The following CALCRL variants were observed in gnomAD, a reference collection of about 807,000 sequenced individuals.
CALCRL encodes the protein calcitonin gene-related peptide type 1 receptor.
Under a neutral mutation model 60.4 loss-of-function variants are expected in CALCRL, and 27 were observed. That is an observed-to-expected ratio of 0.45 (90% CI 0.33 to 0.62). The LOEUF (loss-of-function observed/expected upper bound fraction) is 0.62, where lower values mean the gene tolerates loss of function less well. CALCRL is among the 20% of genes least tolerant of loss of function. CALCRL has a pLI of 0.03. For missense variants in CALCRL, 424 were observed against 540.7 expected (o/e 0.78, Z 2.14); for synonymous variants, 190 against 182.6 (o/e 1.04, Z -0.33).
chr2:187,362,321 G>A (rs966551839), intron 9 of CALCRL, among the ~76,000 whole-genome samples: 3 of 151,958 alleles, frequency 2.0e-5, no homozygotes, highest in African/African-American at 7.2e-5. Context: ...CAGGACATTA[G>A]CCAGATTTTT....
At chr2:187,365,199 A>T (rs564344826) in intron 8 of CALCRL, among the ~76,000 whole-genome samples, 52 of 152,342 alleles carry the variant, frequency 3.4e-4, no homozygotes, top group African/African-American at 1.2e-3. Flanking sequence ...TTCATTGAGC[A>T]TGAAGAGAGT....
rs112978400 is a variant in CALCRL, at chr2:187,367,965, C to T, written c.501-4463G>A. Among the ~76,000 whole-genome samples, 593 of 152,008 alleles carry T rather than the reference C, an allele frequency of 3.9e-3. 5 individuals are homozygous for T. Among genetic ancestry groups the T allele is most frequent in the African/African-American group, 0.014 (567 of 41,496 alleles). On this transcript the variant is annotated intron_variant, in intron 8 of 14. Coordinates refer to ENST00000392370, the MANE Select transcript of CALCRL (RefSeq NM_005795.6). ...CATTATGCTTTATATGTAATGAAAC[C>T]GTGTCTTTCAATTCACTTTTGGAAC...
intron 1 of CALCRL, among the ~76,000 whole-genome samples, chr2:187,399,557 C>T (rs1368062750): frequency 2.0e-5 from 3 of 151,372 alleles, no homozygotes; most frequent in Non-Finnish European, 4.4e-5. Flanking sequence ...AATGAAGAGA[C>T]AGCACACAGA....
At position 187,379,011 on chromosome 2, in the gene CALCRL, G is replaced by C; in HGVS notation, c.429C>G (p.Tyr143Ter). ...EKVKTALNLF[Y>*]LTIIGHGLSI... ...ACAATCCGTGTCCAATTATGGTCAGGTAAAACAAATTTAGTGCAGTCTGTA... is the reference window on the plus strand; with the variant it reads ...ACAATCCGTGTCCAATTATGGTCAGCTAAAACAAATTTAGTGCAGTCTGTA... The change falls in exon 8 of 15, where the codon TAC becomes TAG. Residue 143 changes from tyrosine (Y) to a stop codon, truncating the protein, a stop_gained. Transcript: ENST00000392370. LOFTEE classifies it high-confidence loss of function. 6.2e-7 allele frequency: 1 copy of C among 1,605,272 alleles called. No individual in the cohort carries two copies. The highest frequency in any genetic ancestry group is 8.5e-7 in the Non-Finnish European group (1 of 1,174,074).
At chr2:187,359,005 A>G in intron 12 of CALCRL, 58 bp downstream of exon 12, 1 of 1,368,204 alleles carries the variant, frequency 7.3e-7, no homozygotes, top group Middle Eastern at 1.8e-4. Flanking sequence ...AGGCCAGATG[A>G]TTCAGAAATA....
chr2:187,438,934 A>AGTAT (rs1690770001), intron 1 of CALCRL, among the ~76,000 whole-genome samples: 2 of 152,322 alleles, frequency 1.3e-5, no homozygotes, highest in South Asian at 2.1e-4. Context: ...TGATTCTAAC[A>AGTAT]CCTTCAGTAA....
intron 14 of CALCRL, among the ~76,000 whole-genome samples, chr2:187,350,476 G>A (rs1404831868): frequency 2.0e-5 from 3 of 151,142 alleles, no homozygotes; most frequent in African/African-American, 4.8e-5. Flanking sequence ...CTTGTCTTCT[G>A]TATAGCAGAA....
chr2:187,357,832 A>G (rs986327154), intron 12 of CALCRL, among the ~76,000 whole-genome samples: 1 of 37,418 alleles, frequency 2.7e-5, no homozygotes, highest in Non-Finnish European at 5.6e-5. Flanking sequence ...AAGAAAAAAA[A>G]AGACCCAAAT....
chr2:187,443,860 C>T (rs927228885), intron 1 of CALCRL, among the ~76,000 whole-genome samples: 3 of 151,648 alleles, frequency 2.0e-5, no homozygotes, highest in African/African-American at 7.2e-5. Flanking sequence ...AATTGAGGTG[C>T]ATATGCAAAA....
intron 1 of CALCRL, among the ~76,000 whole-genome samples, chr2:187,396,055 T>C (rs1475909508): frequency 1.3e-5 from 2 of 151,808 alleles, no homozygotes; most frequent in East Asian, 3.9e-4. Context: ...GTTGTTGTTT[T>C]TCCTGTGGCT....
At chr2:187,398,975 T>G (rs1025191895) in intron 1 of CALCRL, among the ~76,000 whole-genome samples, 1 of 151,634 alleles carries the variant, frequency 6.6e-6, no homozygotes, top group African/African-American at 2.4e-5. Flanking sequence ...TTACGTTTTA[T>G]GCCTAACTGA....
At chr2:187,376,276 T>C (rs554967789) in intron 8 of CALCRL, among the ~76,000 whole-genome samples, 36 of 152,274 alleles carry the variant, frequency 2.4e-4, no homozygotes, top group African/African-American at 7.7e-4. Flanking sequence ...TATTTTTTTC[T>C]CTGTTTATTA....
At chr2:187,414,911 T>A (rs1418530976) in intron 1 of CALCRL, among the ~76,000 whole-genome samples, 1 of 151,974 alleles carries the variant, frequency 6.6e-6, no homozygotes, top group Middle Eastern at 3.4e-3. Flanking sequence ...GGTAGTCTCT[T>A]TTTTTTTCAA....
At chr2:187,368,151 T>C (rs1216974262) in intron 8 of CALCRL, among the ~76,000 whole-genome samples, 1 of 152,096 alleles carries the variant, frequency 6.6e-6, no homozygotes, top group Admixed American at 6.6e-5. Flanking sequence ...CTTCATAGGA[T>C]TGGCTTAAAA....
intron 8 of CALCRL, among the ~76,000 whole-genome samples, chr2:187,372,745 A>G (rs1047410270): frequency 6.6e-6 from 1 of 152,214 alleles, no homozygotes; most frequent in Non-Finnish European, 1.5e-5. Flanking sequence ...GTTAAGAAAC[A>G]GAAAGGATCT....
At chr2:187,379,649 G>A (rs1207135354) in intron 7 of CALCRL, among the ~76,000 whole-genome samples, 1 of 152,046 alleles carries the variant, frequency 6.6e-6, no homozygotes, top group Admixed American at 6.6e-5. Flanking sequence ...TGAATAAGCT[G>A]GGAATATGTT....
At chr2:187,352,033 AAGT>A in intron 13 of CALCRL, 72 bp from the exon 14 acceptor site, 1 of 1,524,358 alleles carries the variant, frequency 6.6e-7, no homozygotes, top group South Asian at 1.1e-5. Context: ...ATAGCTGTAC[AAGT>A]AGTCAGGAGT....
intron 1 of CALCRL, among the ~76,000 whole-genome samples, chr2:187,437,246 A>G (rs1690682345): frequency 6.6e-6 from 1 of 152,114 alleles, no homozygotes; most frequent in African/African-American, 2.4e-5. Flanking sequence ...CATATTTAAA[A>G]CTCAGATACA....
At chr2:187,347,312 T>TA (rs1227920786) in intron 14 of CALCRL, among the ~76,000 whole-genome samples, 1 of 151,778 alleles carries the variant, frequency 6.6e-6, no homozygotes, top group Non-Finnish European at 1.5e-5. Context: ...AGCCTGCTTT[T>TA]AGGTTATGAA....
Sources: allele counts gnomAD v4.1 joint callset (sites outside exome capture counted in the v4.1 genomes callset), GRCh38; gene constraint gnomAD v4.1.1; transcripts MANE v1.5; gene names NCBI Gene and HGNC (gene_info 2026-07-23, HGNC 2026-07-21).